The following SDK1 variants were observed in gnomAD, a reference collection of about 807,000 sequenced individuals.
The protein encoded by SDK1 is sidekick cell adhesion molecule 1, also known as protein sidekick-1.
SDK1 carries 157 observed loss-of-function variants against 245.5 expected under a neutral mutation model. The observed-to-expected ratio is 0.64, with a 90% CI of 0.56 to 0.73. SDK1 has a LOEUF of 0.73. Ranked by LOEUF, SDK1 falls within the 30% of genes least tolerant of loss-of-function variation. The probability of loss-of-function intolerance (pLI) is 0.00; values close to 1 mark genes in which losing one functional copy is unlikely to be tolerated. For synonymous variants in SDK1, 1,647 were observed against 1,278.5 expected, an observed-to-expected ratio of 1.29 and a Z score of -6.15; for missense variants, 3,583 against 3,002.3, an observed-to-expected ratio of 1.19 and a Z score of -4.52.
At chr7:3,392,886 C>G (rs931870297) in intron 1 of SDK1, among the ~76,000 whole-genome samples, 4 of 151,186 alleles carry the variant, frequency 2.6e-5, no homozygotes, top group African/African-American at 9.7e-5. Context: ...TGGGTTGTTG[C>G]CTCCTTTTGG....
chr7:4,157,430 GCAAGA>G (rs1562899586), intron 30 of SDK1, among the ~76,000 whole-genome samples: 1 of 59,272 alleles, frequency 1.7e-5, no homozygotes, highest in African/African-American at 1.2e-4. Flanking sequence ...GGGAAGGAAG[GCAAGA>G]GAAAAGGAGG....
At chr7:3,365,927 C>A (rs1018927379) in intron 1 of SDK1, among the ~76,000 whole-genome samples, 1 of 151,728 alleles carries the variant, frequency 6.6e-6, no homozygotes, top group Admixed American at 6.6e-5. Flanking sequence ...TAATCCCAGC[C>A]ACTTGGGAGG....
At position 4,149,253 on chromosome 7, in the gene SDK1, T is replaced by C; in HGVS notation, c.4424-9T>C. ...CACATGTCCCTGGTCTGTCCTCATT[T>C]GGTTGCAGAGCGGCCGGCACCCCCC... On this transcript the variant is annotated splice_polypyrimidine_tract_variant and intron_variant, in intron 29 of 44. Coordinates refer to ENST00000404826, the MANE Select transcript of SDK1 (RefSeq NM_152744.4). 1 of 1,507,590 alleles carries C rather than the reference T, an allele frequency of 6.6e-7. No homozygotes were observed. The highest frequency in any genetic ancestry group is 8.9e-7 in the Non-Finnish European group (1 of 1,128,414). 93.4% of individuals were successfully genotyped at this position (1,507,590 alleles called of 1,614,324 possible). A position where few individuals can be genotyped will look rare whatever the true frequency, so the allele number is the denominator to read the frequency against.
intron 5 of SDK1, among the ~76,000 whole-genome samples, chr7:3,851,365 T>C (rs1033315908): frequency 6.6e-6 from 1 of 152,224 alleles, no homozygotes; most frequent in African/African-American, 2.4e-5. Flanking sequence ...ATTTCCTTTT[T>C]ATGTTAATAA....
chr7:4,210,766 C>G (rs1784470718), intron 38 of SDK1, among the ~76,000 whole-genome samples: 1 of 152,236 alleles, frequency 6.6e-6, no homozygotes, highest in Non-Finnish European at 1.5e-5. Flanking sequence ...TATCAGGTCC[C>G]TGGCTTTCCT....
rs114761975 is a variant in SDK1 at position 3,381,691 on chromosome 7, A to G, written c.298+79807A>G. Among the ~76,000 whole-genome samples the G allele has an allele frequency of 2.8e-3, 419 of 152,248 alleles. 3 individuals are homozygous for G. Among genetic ancestry groups the G allele is most frequent in the African/African-American group, 9.6e-3 (398 of 41,552 alleles). On this transcript the variant is annotated intron_variant, in intron 1 of 44. Transcript: ENST00000404826. ...GGGGTTGAGATCCACAGCCCAGGGG[A>G]TATGCTTTGAAGGAAGGAGAAAAGC...
chr7:4,150,966 T>C (rs1455399905), intron 30 of SDK1, among the ~76,000 whole-genome samples: 4 of 152,220 alleles, frequency 2.6e-5, no homozygotes, highest in African/African-American at 9.6e-5. Context: ...CGTTGAGTGA[T>C]CTGGGGCAAG....
chr7:4,032,948 C>A, intron 17 of SDK1, among the ~76,000 whole-genome samples: 1 of 152,084 alleles, frequency 6.6e-6, no homozygotes, highest in East Asian at 1.9e-4. Context: ...AGATTTTTTT[C>A]TGGAGCTAGA....
chr7:3,401,142 T>C (rs896379264), intron 1 of SDK1, among the ~76,000 whole-genome samples: 2 of 152,106 alleles, frequency 1.3e-5, no homozygotes, highest in African/African-American at 4.8e-5. Context: ...GTCTGAAAAA[T>C]ATACAGATCA....
intron 22 of SDK1, among the ~76,000 whole-genome samples, chr7:4,086,558 C>G (rs1781441195): frequency 6.6e-6 from 1 of 152,064 alleles, no homozygotes; most frequent in South Asian, 2.1e-4. Context: ...GCTCGGGATC[C>G]CCTTCCTTCA....
rs1785926676 is a variant in SDK1, at chr7:4,233,372, A to AT, written c.5946dup (p.Glu1983Ter). 1.2e-6 allele frequency: 2 copies of AT among 1,613,638 alleles called. No individual in the cohort carries two copies. Among genetic ancestry groups the AT allele is most frequent in the African/African-American group, 2.7e-5 (2 of 74,940 alleles). ...TACGAGTTCCGGGTGGTGGCTGTGA[A>AT]TGAGGCGGGCTACGGGGAGCCCAGC... On this transcript the variant is annotated frameshift_variant, in exon 41 of 45. Coordinates refer to ENST00000404826, the MANE Select transcript of SDK1 (RefSeq NM_152744.4). LOFTEE classifies it high-confidence loss of function.
At chr7:3,454,421 T>TGTGTGTGTGTGC (rs1453448237) in intron 1 of SDK1, among the ~76,000 whole-genome samples, 4 of 148,258 alleles carry the variant, frequency 2.7e-5, no homozygotes, top group Non-Finnish European at 4.6e-5. Flanking sequence ...TGTGTGTGTG[T>TGTGTGTGTGTGC]GTGCTGTGTA....
chr7:4,209,741 C>T (rs1429132166), intron 37 of SDK1, among the ~76,000 whole-genome samples: 1 of 152,140 alleles, frequency 6.6e-6, no homozygotes, highest in Non-Finnish European at 1.5e-5. Flanking sequence ...TTTCTATTTC[C>T]ATCTATTATT....
intron 32 of SDK1, among the ~76,000 whole-genome samples, chr7:4,167,261 G>A (rs976942879): frequency 1.5e-4 from 23 of 152,192 alleles, no homozygotes; most frequent in African/African-American, 5.3e-4. Flanking sequence ...GTGGTGGCGG[G>A]CACCTATAGT....
rs372999872 is a variant in SDK1 at position 3,420,222 on chromosome 7, G to A, written c.298+118338G>A. Among the ~76,000 whole-genome samples the A allele has an allele frequency of 2.1e-4, 32 of 152,314 alleles. No homozygotes were observed. In the East Asian group the frequency reaches 5.2e-3, roughly 25 times the overall value. On this transcript the variant is annotated intron_variant, in intron 1 of 44. Transcript: ENST00000404826. ...CAGAATTAACATTATTGTCATATTAGCATTGGAACTTTCCCATTTATTTTT... is the reference window on the plus strand; with the variant it reads ...CAGAATTAACATTATTGTCATATTAACATTGGAACTTTCCCATTTATTTTT...
intron 5 of SDK1, among the ~76,000 whole-genome samples, chr7:3,824,709 C>T (rs1018775915): frequency 4.6e-5 from 7 of 152,262 alleles, no homozygotes; most frequent in Admixed American, 2.6e-4. Flanking sequence ...CACCCCTTTT[C>T]AATTGCTAGA....
rs142787768 is a variant in SDK1 at position 3,314,549 on chromosome 7, T to C, written c.298+12665T>C. Among the ~76,000 whole-genome samples, 520 of 152,282 alleles carry C rather than the reference T, an allele frequency of 3.4e-3. 4 individuals carry two copies. Among genetic ancestry groups the C allele is most frequent in the African/African-American group, 0.011 (464 of 41,568 alleles). ...TAGTTACAGATGAGATTGTAGCCAT[T>C]TGCATTTTTGTGGCAACTTGATATG... On this transcript the variant is annotated intron_variant, in intron 1 of 44. Coordinates refer to ENST00000404826, the MANE Select transcript of SDK1 (RefSeq NM_152744.4).
chr7:3,572,769 C>G (rs1042580065), intron 1 of SDK1, among the ~76,000 whole-genome samples: 5 of 152,078 alleles, frequency 3.3e-5, no homozygotes, highest in Non-Finnish European at 7.4e-5. Context: ...TTTCACTTAG[C>G]AGGGGCTTCA....
intron 35 of SDK1, among the ~76,000 whole-genome samples, chr7:4,186,532 G>A (rs568782539): frequency 6.6e-5 from 10 of 152,298 alleles, no homozygotes; most frequent in Admixed American, 3.3e-4. Context: ...GCTCGTCCCC[G>A]GAGCCGGCTC....
Sources: allele counts gnomAD v4.1 joint callset (sites outside exome capture counted in the v4.1 genomes callset), GRCh38; gene constraint gnomAD v4.1.1; transcripts MANE v1.5; gene names NCBI Gene and HGNC (gene_info 2026-07-23, HGNC 2026-07-21).